The following CNNM2 variants were observed in gnomAD, a reference collection of about 807,000 sequenced individuals.
CNNM2 encodes metal transporter CNNM2.
Under a neutral mutation model 66.9 loss-of-function variants are expected in CNNM2, and 12 were observed. That is an observed-to-expected ratio of 0.18 (90% confidence interval 0.11 to 0.29). The LOEUF (loss-of-function observed/expected upper bound fraction) is 0.29. Ranked by LOEUF, CNNM2 falls within the 10% of genes least tolerant of loss-of-function variation. CNNM2 has a pLI of 1.00. For missense variants in CNNM2, 705 were observed against 1,167.7 expected, an observed-to-expected ratio of 0.60 and a Z score of 5.77; for synonymous variants, 557 against 501.8, an observed-to-expected ratio of 1.11 and a Z score of -1.47.
rs2066301559 is a variant in CNNM2 at position 103,090,028 on chromosome 10, C to T, written c.*12848C>T. The T allele has an allele frequency of 1.4e-6, 1 of 694,686 alleles. No individual in the cohort carries two copies. Among genetic ancestry groups the T allele is most frequent in the Non-Finnish European group, 2.3e-6 (1 of 431,824 alleles). 43.0% of individuals were successfully genotyped at this position (694,686 alleles called of 1,614,324 possible). ...ATTACATCTATAATGGACCACAGGA[C>T]AAGTCAATATAGACTTATCTTCATA... On this transcript the variant is annotated 3_prime_UTR_variant, in exon 8 of 8. Transcript: ENST00000369878.
rs540328702 is a variant in CNNM2, at chr10:102,938,273, T to TAA, written c.1621+18184_1621+18185dup. Among the ~76,000 whole-genome samples, 471 of 141,544 alleles carry TAA rather than the reference T, an allele frequency of 3.3e-3. 9 individuals carry two copies. In the East Asian group the frequency reaches 0.04, roughly 12 times the overall value. 92.9% of individuals were successfully genotyped at this position (141,544 alleles called of 152,430 possible). ...CAACATGGTGAAACCCCATCTCTTCTAAAAAAAAAAAAATACAAAAATTAG... is the reference window on the plus strand; with the variant it reads ...CAACATGGTGAAACCCCATCTCTTCTAAAAAAAAAAAAAAATACAAAAATTAG... On this transcript the variant is annotated intron_variant, in intron 1 of 7. Transcript: ENST00000369878.
intron 1 of CNNM2, among the ~76,000 whole-genome samples, chr10:102,934,483 G>A (rs1846168123): frequency 6.6e-6 from 1 of 151,784 alleles, no homozygotes. Flanking sequence ...GTTTCACCAT[G>A]TTGGCGAGGC....
At position 103,077,230 on chromosome 10, in the gene CNNM2, C is replaced by T. The variant is rs755400474; in HGVS notation, c.*50C>T. On this transcript the variant is annotated 3_prime_UTR_variant, in exon 8 of 8. Coordinates refer to ENST00000369878, the MANE Select transcript of CNNM2 (RefSeq NM_017649.5). ...GCCCGCACCCGCCCAGTCCCGAGGG[C>T]CCGGCCCTGTCTGCCCATGACTTCA... 6.5e-6 allele frequency: 10 copies of T among 1,546,416 alleles called. No homozygotes were observed. Among genetic ancestry groups the T allele is most frequent in the South Asian group, 4.5e-5 (4 of 88,814 alleles).
At chr10:102,978,010 A>G (rs989518023) in intron 1 of CNNM2, among the ~76,000 whole-genome samples, 2 of 151,950 alleles carry the variant, frequency 1.3e-5, no homozygotes, top group African/African-American at 2.4e-5. Flanking sequence ...CCTGGGTTCA[A>G]GCGATTCTCC....
At chr10:103,013,126 A>T (rs1384301011) in intron 1 of CNNM2, among the ~76,000 whole-genome samples, 1 of 152,164 alleles carries the variant, frequency 6.6e-6, no homozygotes, top group East Asian at 1.9e-4. Context: ...TCTTAGCTGT[A>T]TAATCTTTGA....
Position 102,918,618 on chromosome 10 carries a change from G to C in CNNM2, c.138G>C (p.Gly46=). ...RGRGILQAAA[G]RLLPLLLLSC... ...GGGGGATCCTGCAGGCGGCTGCGGGGCGGCTGCTGCCGCTGCTCCTGCTGA... is the reference window on the plus strand; with the variant it reads ...GGGGGATCCTGCAGGCGGCTGCGGGCCGGCTGCTGCCGCTGCTCCTGCTGA... The change falls in exon 1 of 8, where the codon GGG becomes GGC. Residue 46 remains glycine (G), a synonymous_variant. Transcript: ENST00000369878. This position sits in a 1 kb window ranked among gnomAD's most constrained non-coding sequence, Gnocchi z 4.1. The C allele has an allele frequency of 6.5e-7, 1 of 1,546,058 alleles. No individual in the cohort carries two copies.
Position 103,077,728 on chromosome 10 carries a change from C to T in CNNM2, c.*548C>T, listed in dbSNP as rs776291728. ...ATCTCGCTGGCTGAATGAAGAAGAC[C>T]GTGTTACTGCAGAACCTGCCAAGTC... On this transcript the variant is annotated 3_prime_UTR_variant, in exon 8 of 8. Coordinates refer to ENST00000369878, the MANE Select transcript of CNNM2 (RefSeq NM_017649.5). 6.4e-6 allele frequency: 1 copy of T among 156,664 alleles called. No individual in the cohort carries two copies. Among genetic ancestry groups the T allele is most frequent in the Non-Finnish European group, 1.4e-5 (1 of 70,690 alleles). The allele number at this position is 156,664 out of a possible 1,614,324, so 9.7% of individuals were successfully genotyped here.
At chr10:102,975,611 A>C (rs1337680600) in intron 1 of CNNM2, among the ~76,000 whole-genome samples, 2 of 152,204 alleles carry the variant, frequency 1.3e-5, no homozygotes, top group Non-Finnish European at 2.9e-5. Context: ...ATAAGCCCAA[A>C]TTAACAAATT....
chr10:102,998,808 G>GTC (rs2064053292), intron 1 of CNNM2, among the ~76,000 whole-genome samples: 1 of 152,130 alleles, frequency 6.6e-6, no homozygotes, highest in Non-Finnish European at 1.5e-5. Flanking sequence ...GTGAAACCCT[G>GTC]TCTCTACTAA....
Position 102,986,815 on chromosome 10 carries a change from G to A in CNNM2, c.1622-62892G>A, listed in dbSNP as rs1018448453. 1.5e-4 allele frequency among the ~76,000 whole-genome samples: 23 copies of A among 151,368 alleles called. No individual in the cohort carries two copies. The South Asian group carries it at 2.5e-3, about 17-fold the overall frequency. On this transcript the variant is annotated intron_variant, in intron 1 of 7. Transcript: ENST00000369878. ...AAAAAAAGTTTTTATCCTCCAGATC[G>A]TAGAATTATATTACTAGAGGTGGTG...
chr10:102,920,136 T>G (rs1440060847), intron 1 of CNNM2, 35 bp downstream of exon 1: 1 of 1,614,024 alleles, frequency 6.2e-7, no homozygotes, highest in South Asian at 1.1e-5. Context: ...TGGCTTGCTC[T>G]TTCTCTCTCC....
intron 1 of CNNM2, among the ~76,000 whole-genome samples, chr10:102,943,236 C>A (rs1159887870): frequency 1.3e-5 from 2 of 151,448 alleles, no homozygotes; most frequent in Non-Finnish European, 2.9e-5. Flanking sequence ...AAAAAACAAA[C>A]AAAAACCAAA....
intron 1 of CNNM2, among the ~76,000 whole-genome samples, chr10:103,048,302 G>A (rs12416483): frequency 1.3e-4 from 19 of 144,580 alleles, no homozygotes; most frequent in East Asian, 4.1e-4. Flanking sequence ...TGCAACCTCC[G>A]CCTCCCAGAT....
chr10:103,022,270 A>G (rs913787121), intron 1 of CNNM2, among the ~76,000 whole-genome samples: 2 of 152,232 alleles, frequency 1.3e-5, no homozygotes, highest in Admixed American at 6.5e-5. Context: ...TCATTATTTC[A>G]TATGCCAAGC....
intron 1 of CNNM2, among the ~76,000 whole-genome samples, chr10:102,996,557 C>A (rs1310332451): frequency 1.3e-5 from 2 of 152,110 alleles, no homozygotes; most frequent in Non-Finnish European, 2.9e-5. Flanking sequence ...ATTTAAAAAT[C>A]AGTTGGGCAT....
intron 1 of CNNM2, among the ~76,000 whole-genome samples, chr10:103,046,009 G>A (rs2065122147): frequency 6.6e-6 from 1 of 152,052 alleles, no homozygotes; most frequent in African/African-American, 2.4e-5. Flanking sequence ...CCTCTAAGTT[G>A]GTAATAAGTT....
Position 103,076,273 on chromosome 10 carries a change from G to A in CNNM2, c.2418+3G>A, listed in dbSNP as rs1170653555. 6.4e-7 allele frequency: 1 copy of A among 1,555,052 alleles called. No individual in the cohort carries two copies. Among genetic ancestry groups the A allele is most frequent in the South Asian group, 1.2e-5 (1 of 84,198 alleles). ...TTTCGGATCTGCAGTTTGTTAAGGT[G>A]AGAGACGTGAGTGCAGTGTGGCTGG... is the stretch of plus-strand genomic sequence containing the variant. On this transcript the variant is annotated splice_donor_region_variant and intron_variant, in intron 7 of 7. Transcript: ENST00000369878.
intron 1 of CNNM2, among the ~76,000 whole-genome samples, chr10:102,967,294 C>T (rs1484920831): frequency 6.6e-6 from 1 of 152,114 alleles, no homozygotes; most frequent in Non-Finnish European, 1.5e-5. Flanking sequence ...GTATAATTTA[C>T]ATACCATAAA....
rs938077932 is a variant in CNNM2 at position 103,082,601 on chromosome 10, T to G, written c.*5421T>G. The G allele has an allele frequency of 6.6e-6, 1 of 152,236 alleles. No individual in the cohort carries two copies. Among genetic ancestry groups the G allele is most frequent in the Non-Finnish European group, 1.5e-5 (1 of 68,054 alleles). The allele number at this position is 152,236 out of a possible 1,614,324, so 9.4% of individuals were successfully genotyped here. A position where few individuals can be genotyped will look rare whatever the true frequency, so the allele number is the denominator to read the frequency against. Reference sequence around the variant, plus strand: ...GTCTGTGACTAGGACAAGGTCTGTCTTGAAGCTTCCTCATCCATGGATCCT... The same window carrying G: ...GTCTGTGACTAGGACAAGGTCTGTCGTGAAGCTTCCTCATCCATGGATCCT... On this transcript the variant is annotated 3_prime_UTR_variant, in exon 8 of 8. Transcript: ENST00000369878.
Sources: allele counts gnomAD v4.1 joint callset (sites outside exome capture counted in the v4.1 genomes callset), GRCh38; gene constraint gnomAD v4.1.1; non-coding constraint Gnocchi (gnomAD v3.1); transcripts MANE v1.5; gene names NCBI Gene and HGNC (gene_info 2026-07-23, HGNC 2026-07-21).